Variants in ALKBH5 observed in about 807,000 individuals in gnomAD.
ALKBH5 encodes RNA demethylase ALKBH5.
A neutral mutation model predicts 32.1 loss-of-function variants in ALKBH5; 2 were observed. The ratio of observed to expected loss-of-function variants is 0.06; its 90% confidence interval spans 0.03 to 0.20. The LOEUF is 0.20. Ranked by LOEUF, ALKBH5 falls within the 10% of genes least tolerant of loss-of-function variation. The probability of loss-of-function intolerance (pLI) is 1.00; values close to 1 mark genes in which losing one functional copy is unlikely to be tolerated. For missense variants in ALKBH5, 352 were observed against 559.5 expected (o/e 0.63, Z 3.74); for synonymous variants, 300 against 231.7 (o/e 1.29, Z -2.68).
intron 1 of ALKBH5, among the ~76,000 whole-genome samples, chr17:18,192,891 A>T (rs866012401): frequency 1.3e-4 from 16 of 121,744 alleles, no homozygotes; most frequent in South Asian, 4.7e-4. Flanking sequence ...ACGGAGTCTC[A>T]CTCTGTCACC....
intron 2 of ALKBH5, among the ~76,000 whole-genome samples, chr17:18,202,872 A>G (rs920622724): frequency 6.6e-6 from 1 of 152,000 alleles, no homozygotes; most frequent in African/African-American, 2.4e-5. Context: ...TCAAGAGATC[A>G]AGACCATCCT....
intron 1 of ALKBH5, 61 bp downstream of exon 1, chr17:18,185,074 C>G: frequency 6.4e-7 from 1 of 1,561,688 alleles, no homozygotes. Flanking sequence ...CCACCCTGGC[C>G]CAGAAAGCAG....
At chr17:18,199,926 GA>G (rs2047226417) in intron 2 of ALKBH5, among the ~76,000 whole-genome samples, 1 of 151,886 alleles carries the variant, frequency 6.6e-6, no homozygotes, top group South Asian at 2.1e-4. Context: ...CTAACGTGAT[GA>G]AAATTCTAAA....
chr17:18,185,744 A>C (rs867533017), intron 1 of ALKBH5, among the ~76,000 whole-genome samples: 1 of 152,208 alleles, frequency 6.6e-6, no homozygotes, highest in East Asian at 1.9e-4. Flanking sequence ...CTTTTGGCCT[A>C]TATTCGGTTC....
At chr17:18,194,007 A>T (rs1300153849) in intron 1 of ALKBH5, among the ~76,000 whole-genome samples, 3 of 152,176 alleles carry the variant, frequency 2.0e-5, no homozygotes, top group African/African-American at 4.8e-5. Flanking sequence ...TTGCTTCCAG[A>T]GTTTCAAATT....
Position 18,184,133 on chromosome 17 carries a change from T to C in ALKBH5, c.-111T>C. The C allele has an allele frequency of 1.0e-6, 1 of 975,030 alleles. No homozygotes were observed. The highest frequency in any genetic ancestry group is 3.0e-5 in the East Asian group (1 of 33,814). 60.4% of individuals were successfully genotyped at this position (975,030 alleles called of 1,614,324 possible). A position where few individuals can be genotyped will look rare whatever the true frequency, so the allele number is the denominator to read the frequency against. On this transcript the variant is annotated 5_prime_UTR_variant, in exon 1 of 4. Coordinates refer to ENST00000399138, the MANE Select transcript of ALKBH5 (RefSeq NM_017758.4). The stretch of plus-strand genomic sequence containing the variant: ...CGGGTCCCCCACTCACGCATGGGGG[T>C]TCGGCGCTAAGGACCCCCCTCCCTC...
At chr17:18,194,792 G>A (rs941107818) in intron 1 of ALKBH5, among the ~76,000 whole-genome samples, 163 bp from the exon 2 acceptor site, 1 of 152,158 alleles carries the variant, frequency 6.6e-6, no homozygotes, top group African/African-American at 2.4e-5. Context: ...AAGCATCCTG[G>A]AACTTAATAT....
In ALKBH5 at chr17:18,208,477, T is replaced by C. The variant is rs2047283709; in HGVS notation, c.*81T>C. On this transcript the variant is annotated 3_prime_UTR_variant, in exon 4 of 4. Coordinates refer to ENST00000399138, the MANE Select transcript of ALKBH5 (RefSeq NM_017758.4). ...TTTTGTTTTGAGGGTTTTGTTTTTG[T>C]TCATTGGGGGGTTTTTGTTTTTTGT... is the stretch of plus-strand genomic sequence containing the variant. The C allele has an allele frequency of 6.6e-7, 1 of 1,518,246 alleles. No individual in the cohort carries two copies. The highest frequency in any genetic ancestry group is 1.2e-5 in the South Asian group (1 of 84,814). The allele number at this position is 1,518,246 out of a possible 1,614,324, so 94.0% of individuals were successfully genotyped here.
At position 18,209,618 on chromosome 17, in the gene ALKBH5, T is replaced by G. The variant is rs2047292940; in HGVS notation, c.*1222T>G. On this transcript the variant is annotated 3_prime_UTR_variant, in exon 4 of 4. Coordinates refer to ENST00000399138, the MANE Select transcript of ALKBH5 (RefSeq NM_017758.4). ...TGTGGATCTAGATTCATTAGGAATG[T>G]CTTCTTGTCAGCCAGGCCAGGACCC... 6.6e-6 allele frequency: 1 copy of G among 152,282 alleles called. No individual in the cohort carries two copies. The highest frequency in any genetic ancestry group is 1.5e-5 in the Non-Finnish European group (1 of 68,056). 9.4% of individuals were successfully genotyped at this position (152,282 alleles called of 1,614,324 possible).
chr17:18,192,969 C>G lies in ALKBH5; in HGVS notation c.771-1986C>G, dbSNP rs748084688. ...CCACCTCCCAGGTTCAGCGATTCTC[C>G]TGCCTCAGCCTCTGCGATAGCTGGA... On this transcript the variant is annotated intron_variant, in intron 1 of 3. Transcript: ENST00000399138. 4.6e-5 allele frequency among the ~76,000 whole-genome samples: 7 copies of G among 151,206 alleles called. No homozygotes were observed. The South Asian group carries it at 1.5e-3, about 31-fold the overall frequency.
At chr17:18,207,277 G>T (rs2047274514) in intron 3 of ALKBH5, among the ~76,000 whole-genome samples, 1 of 152,172 alleles carries the variant, frequency 6.6e-6, no homozygotes, top group African/African-American at 2.4e-5. Context: ...ATGTCAGGAG[G>T]GAATCTTGGG....
intron 2 of ALKBH5, among the ~76,000 whole-genome samples, chr17:18,206,318 G>T (rs887176404): frequency 2.0e-5 from 3 of 152,166 alleles, no homozygotes; most frequent in African/African-American, 7.2e-5. Context: ...CCCTGGCTCT[G>T]CCACTCAGTC....
Position 18,208,269 on chromosome 17 carries a change from T to C in ALKBH5, c.1058T>C (p.Leu353Pro), listed in dbSNP as rs1375550598. 1 of 1,614,134 alleles carries C rather than the reference T, an allele frequency of 6.2e-7. No homozygotes were observed. Among genetic ancestry groups the C allele is most frequent in the African/African-American group, 1.3e-5 (1 of 75,050 alleles). The change falls in exon 4 of 4, where the codon CTG becomes CCG. Residue 353 changes from leucine (L) to proline (P), a missense_variant. Transcript: ENST00000399138. ...GAAGAGAACCGGCGCTCGGTGCTGC[T>C]GCCCACACACCGGCGGAGGGGTAGC... ...DKEENRRSVL[L>P]PTHRRRGSFS...
In ALKBH5 at chr17:18,208,466, TTTTG is replaced by T; in HGVS notation, c.*74_*77del. 1 of 1,555,376 alleles carries T rather than the reference TTTTG, an allele frequency of 6.4e-7. No homozygotes were observed. Reference sequence around the variant, plus strand: ...GTTGCCCCTCCTTTTGTTTTGAGGGTTTTGTTTTTGTTCATTGGGGGGTTTTTGT... The same window carrying T: ...GTTGCCCCTCCTTTTGTTTTGAGGGTTTTTTGTTCATTGGGGGGTTTTTGT... On this transcript the variant is annotated 3_prime_UTR_variant, in exon 4 of 4. Transcript: ENST00000399138.
At chr17:18,201,795 A>G (rs771265203) in intron 2 of ALKBH5, among the ~76,000 whole-genome samples, 6,703 of 36,580 alleles carry the variant, frequency 0.18, 167 homozygotes, top group East Asian at 0.28. Context: ...AGGATAGATA[A>G]GATAGATAGA....
intron 1 of ALKBH5, among the ~76,000 whole-genome samples, chr17:18,192,404 A>T (rs1352400433): frequency 6.6e-6 from 1 of 152,212 alleles, no homozygotes; most frequent in Non-Finnish European, 1.5e-5. Flanking sequence ...AAAATCTTGT[A>T]ATCTTAAAAA....
rs144116007 is a variant in ALKBH5, at chr17:18,203,594, G to C, written c.852-3221G>C. On this transcript the variant is annotated intron_variant, in intron 2 of 3. Transcript: ENST00000399138. ...TCCTGTTGCCACCTGAGGAGGCCTG[G>C]GTCCAGACCTTACTGCTAGAACTGA... Among the ~76,000 whole-genome samples the C allele has an allele frequency of 2.0e-5, 3 of 152,322 alleles. No individual in the cohort carries two copies. The East Asian group carries it at 5.8e-4, about 29-fold the overall frequency.
intron 1 of ALKBH5, among the ~76,000 whole-genome samples, chr17:18,189,166 A>G (rs2047158389): frequency 6.6e-6 from 1 of 152,190 alleles, no homozygotes; most frequent in South Asian, 2.1e-4. Flanking sequence ...TCACGAGGTC[A>G]GGACATCGAG....
intron 2 of ALKBH5, among the ~76,000 whole-genome samples, chr17:18,204,150 T>C (rs1269054082): frequency 3.3e-5 from 5 of 152,200 alleles, no homozygotes; most frequent in Admixed American, 2.0e-4. Context: ...ACACGAAGCC[T>C]GGTAAAGAAA....
Sources: allele counts gnomAD v4.1 joint callset (sites outside exome capture counted in the v4.1 genomes callset), GRCh38; gene constraint gnomAD v4.1.1; transcripts MANE v1.5; gene names NCBI Gene and HGNC (gene_info 2026-07-23, HGNC 2026-07-21).